Variants in BEND3 observed in about 807,000 individuals in gnomAD.
BEND3 encodes the protein BEN domain containing 3.
BEND3 carries 13 observed loss-of-function variants against 60.1 expected under a neutral mutation model. The observed-to-expected ratio is 0.22, with a 90% CI of 0.14 to 0.34. BEND3 has a LOEUF of 0.34. BEND3 is among the 10% of genes least tolerant of loss of function. BEND3 has a pLI of 1.00. For missense variants in BEND3, 896 were observed against 1,138.1 expected (o/e 0.79, Z 3.06); for synonymous variants, 497 against 491.5 (o/e 1.01, Z -0.15).
Position 107,069,186 on chromosome 6 carries a change from C to T in BEND3, c.2005G>A (p.Asp669Asn), listed in dbSNP as rs782767258. Residue 669 changes from aspartate to asparagine, a missense_variant, in exon 4 of 4, where the codon GAC (aspartate) becomes AAC (asparagine). This residue lies in a region of BEND3 where 846 missense variants were observed against 1,036.7 expected (regional missense o/e 0.82). Transcript: ENST00000369042. ...GGGTTGATTGCATAGCTGGTCAAGT[C>T]TCTGCACTCAGGGCCCGGCACGTGG... ...KVHVPGPECR[D>N]LTSYAINPER... 13 of 1,612,464 alleles carry T rather than the reference C, an allele frequency of 8.1e-6. No individual in the cohort carries two copies. Among genetic ancestry groups the T allele is most frequent in the Non-Finnish European group, 1.0e-5 (12 of 1,180,040 alleles).
rs1471788524 is a variant in BEND3 at position 107,068,277 on chromosome 6, T to C, written c.*427A>G. ...GTAAAATGGCCCCCAAAGAGCCCAA[T>C]GATTTTTTTTAAGGGTTTCTTTTTA... On this transcript the variant is annotated 3_prime_UTR_variant, in exon 4 of 4. Coordinates refer to ENST00000369042, the MANE Select transcript of BEND3 (RefSeq NM_001367314.1). This position sits in a 1 kb window ranked among gnomAD's most constrained non-coding sequence, Gnocchi z 5.8. 1.3e-5 allele frequency: 2 copies of C among 156,790 alleles called. No homozygotes were observed. Among genetic ancestry groups the C allele is most frequent in the African/African-American group, 4.8e-5 (2 of 41,504 alleles). 9.7% of individuals were successfully genotyped at this position (156,790 alleles called of 1,614,324 possible).
chr6:107,082,584 G>A (rs1020254405), intron 3 of BEND3, among the ~76,000 whole-genome samples: 3 of 152,060 alleles, frequency 2.0e-5, no homozygotes, highest in African/African-American at 4.8e-5. Flanking sequence ...ACAGGCACAC[G>A]CCACCACACC....
At chr6:107,104,140 A>T (rs1436780369) in intron 1 of BEND3, among the ~76,000 whole-genome samples, 5 of 151,360 alleles carry the variant, frequency 3.3e-5, no homozygotes, top group African/African-American at 9.7e-5. Context: ...ACAAAAAAAA[A>T]TTAGCCAGGC....
rs1463460796 is a variant in BEND3, at chr6:107,105,368, C to A, written c.-11-6072G>T. ...TCTGGGAGACAGAGAAAGACTCTGT[C>A]TCAAAAAAGAAAAAAAAAAAAAAAA... On this transcript the variant is annotated intron_variant, in intron 1 of 3. Transcript: ENST00000369042. Among the ~76,000 whole-genome samples, 17 of 119,782 alleles carry A rather than the reference C, an allele frequency of 1.4e-4. No individual in the cohort carries two copies. The Admixed American group carries it at 1.6e-3, about 11-fold the overall frequency. The allele number at this position is 119,782 out of a possible 152,430, so 78.6% of individuals were successfully genotyped here.
chr6:107,107,215 G>A (rs1389435837), intron 1 of BEND3, among the ~76,000 whole-genome samples: 2 of 152,048 alleles, frequency 1.3e-5, no homozygotes, highest in Non-Finnish European at 2.9e-5. Flanking sequence ...GAGATTACAG[G>A]TATGAGCCAC....
In BEND3 at chr6:107,103,955, AAAAAAAAGAAAG is replaced by A. The variant is rs1276157570; in HGVS notation, c.-11-4671_-11-4660del. Among the ~76,000 whole-genome samples the A allele has an allele frequency of 5.9e-3, 744 of 125,782 alleles. 5 individuals are homozygous for A. The highest frequency in any genetic ancestry group is 0.021 in the African/African-American group (711 of 34,192). 82.5% of individuals were successfully genotyped at this position (125,782 alleles called of 152,430 possible). ...AAGAGCGAAACTCCGTCTCAAAAAA[AAAAAAAAGAAAG>A]AAAGAAAGAAAGAAAGAAAGAAAAA... On this transcript the variant is annotated intron_variant, in intron 1 of 3. Coordinates refer to ENST00000369042, the MANE Select transcript of BEND3 (RefSeq NM_001367314.1).
chr6:107,101,365 C>T (rs1775698718), intron 1 of BEND3, among the ~76,000 whole-genome samples: 2 of 152,226 alleles, frequency 1.3e-5, no homozygotes, highest in South Asian at 4.2e-4. Flanking sequence ...CTGGGTGATC[C>T]ATGAGCACAA....
intron 1 of BEND3, among the ~76,000 whole-genome samples, chr6:107,111,030 T>A (rs890924739): frequency 3.4e-5 from 5 of 146,762 alleles, no homozygotes; most frequent in Admixed American, 1.4e-4. Flanking sequence ...CCAGGTGTGG[T>A]GGCGCATACT....
At chr6:107,075,144 T>TC (rs1193996933) in intron 3 of BEND3, among the ~76,000 whole-genome samples, 1 of 150,972 alleles carries the variant, frequency 6.6e-6, no homozygotes, top group Non-Finnish European at 1.5e-5. Flanking sequence ...GAGGATCACT[T>TC]GAGTCTTGGA....
chr6:107,102,337 G>A (rs9400092), intron 1 of BEND3, among the ~76,000 whole-genome samples: 1 of 152,046 alleles, frequency 6.6e-6, no homozygotes, highest in African/African-American at 2.4e-5. Context: ...ATTTTTCCTT[G>A]TTTCCAGTGG....
At chr6:107,091,800 G>A (rs1433920920) in intron 3 of BEND3, among the ~76,000 whole-genome samples, 3 of 152,122 alleles carry the variant, frequency 2.0e-5, no homozygotes, top group Non-Finnish European at 4.4e-5. Flanking sequence ...CTCATTCTAT[G>A]AGGCCAGCAT....
chr6:107,098,742 T>C lies in BEND3; in HGVS notation c.49A>G (p.Ile17Val), dbSNP rs1439562575. ...TEDVEEVLKS[I>V]TVKVETEAED... ...GCCTCTGTCTCCACTTTCACAGTGA[T>C]ACTTTTTAGAACTGTGTCAGAGAAG... Residue 17 changes from isoleucine (I) to valine (V), a missense_variant, in exon 3 of 4, where the codon ATC becomes GTC. Ile to Val is a conservative substitution (Grantham distance 29). Coordinates refer to ENST00000369042, the MANE Select transcript of BEND3 (RefSeq NM_001367314.1). 4 of 1,613,824 alleles carry C rather than the reference T, an allele frequency of 2.5e-6. No individual in the cohort carries two copies. The highest frequency in any genetic ancestry group is 2.7e-5 in the African/African-American group (2 of 74,926).
chr6:107,091,913 G>C (rs539760759), intron 3 of BEND3, among the ~76,000 whole-genome samples: 1 of 152,218 alleles, frequency 6.6e-6, no homozygotes, highest in South Asian at 2.1e-4. Context: ...ACATTAGCAG[G>C]AGACTGATTT....
At chr6:107,113,549 C>T (rs1354160914) in intron 1 of BEND3, among the ~76,000 whole-genome samples, 5 of 151,912 alleles carry the variant, frequency 3.3e-5, no homozygotes, top group African/African-American at 1.2e-4. Flanking sequence ...AACTGGCGCT[C>T]TGGCTCCATC....
chr6:107,080,676 G>GT (rs1296750606), intron 3 of BEND3, among the ~76,000 whole-genome samples: 1 of 152,024 alleles, frequency 6.6e-6, no homozygotes, highest in African/African-American at 2.4e-5. Flanking sequence ...GAGGTCAGGA[G>GT]TTCGAGATCA....
At chr6:107,085,947 C>A (rs1044095547) in intron 3 of BEND3, among the ~76,000 whole-genome samples, 2 of 151,662 alleles carry the variant, frequency 1.3e-5, no homozygotes, top group Non-Finnish European at 2.9e-5. Context: ...CCACCACACC[C>A]AGCTAATTTT....
intron 1 of BEND3, among the ~76,000 whole-genome samples, chr6:107,112,850 T>A (rs1770141671): frequency 7.1e-6 from 1 of 141,068 alleles, no homozygotes. Flanking sequence ...CAAAACTCTG[T>A]CTCAAGAAAA....
chr6:107,106,765 C>A lies in BEND3; in HGVS notation c.-11-7469G>T, dbSNP rs144985283. Among the ~76,000 whole-genome samples, 498 of 152,162 alleles carry A rather than the reference C, an allele frequency of 3.3e-3. 3 individuals carry two copies. Among genetic ancestry groups the A allele is most frequent in the African/African-American group, 0.012 (480 of 41,502 alleles). ...CTAGGACTATAGGTGCACGCCACCA[C>A]ACCCAGCTAATTTTTTATTTTTTGT... On this transcript the variant is annotated intron_variant, in intron 1 of 3. Coordinates refer to ENST00000369042, the MANE Select transcript of BEND3 (RefSeq NM_001367314.1).
chr6:107,089,458 C>T (rs370263280), intron 3 of BEND3, among the ~76,000 whole-genome samples: 1 of 150,474 alleles, frequency 6.6e-6, no homozygotes, highest in Admixed American at 6.6e-5. Flanking sequence ...TGGTGACGGG[C>T]GCCTGTAGTC....
Sources: allele counts gnomAD v4.1 joint callset (sites outside exome capture counted in the v4.1 genomes callset), GRCh38; gene constraint gnomAD v4.1.1; regional missense constraint gnomAD v4.1.1; non-coding constraint Gnocchi (gnomAD v3.1); transcripts MANE v1.5; gene names NCBI Gene and HGNC (gene_info 2026-07-23, HGNC 2026-07-21).